DOCK4: variants seen among roughly 807,000 people sequenced by gnomAD.
The protein encoded by DOCK4 is dedicator of cytokinesis protein 4.
Under a neutral mutation model 268.1 loss-of-function variants are expected in DOCK4, and 97 were observed. The observed-to-expected ratio is 0.36, with a 90% CI of 0.31 to 0.43. The LOEUF (loss-of-function observed/expected upper bound fraction) is 0.43. Ranked by LOEUF, DOCK4 falls within the 20% of genes least tolerant of loss-of-function variation. The pLI, the probability that DOCK4 is intolerant of heterozygous loss-of-function variation, is 1.00. For synonymous variants in DOCK4, 954 were observed against 887.2 expected (o/e 1.08, Z -1.34); for missense variants, 2,145 against 2,455.7 (o/e 0.87, Z 2.67).
chr7:112,052,459 C>A (rs1477532760), intron 1 of DOCK4, among the ~76,000 whole-genome samples: 3 of 151,974 alleles, frequency 2.0e-5, no homozygotes, highest in African/African-American at 7.2e-5. Flanking sequence ...TCCCCTTCTT[C>A]CCCCCCTCAC....
At chr7:112,096,122 C>G (rs1055632204) in intron 1 of DOCK4, among the ~76,000 whole-genome samples, 1 of 151,926 alleles carries the variant, frequency 6.6e-6, no homozygotes, top group Non-Finnish European at 1.5e-5. Context: ...TAAATAGGGT[C>G]TTTTGAAGAA....
chr7:112,118,107 G>C (rs1391899654), intron 1 of DOCK4, among the ~76,000 whole-genome samples: 1 of 151,226 alleles, frequency 6.6e-6, no homozygotes, highest in Non-Finnish European at 1.5e-5. Flanking sequence ...AAAAATCTCT[G>C]ATCTTCTTGC....
At chr7:112,112,999 A>G (rs937677684) in intron 1 of DOCK4, among the ~76,000 whole-genome samples, 1 of 152,150 alleles carries the variant, frequency 6.6e-6, no homozygotes, top group African/African-American at 2.4e-5. Flanking sequence ...TTTTTTCCCG[A>G]CTAGGGTTTT....
intron 36 of DOCK4, among the ~76,000 whole-genome samples, chr7:111,777,794 G>T (rs1320064750): frequency 2.0e-5 from 3 of 152,054 alleles, no homozygotes; most frequent in African/African-American, 7.2e-5. Context: ...GCTTTTATAA[G>T]GGAGAGTTTC....
At chr7:112,050,146 TA>T (rs1215873560) in intron 1 of DOCK4, among the ~76,000 whole-genome samples, 1 of 152,146 alleles carries the variant, frequency 6.6e-6, no homozygotes, top group African/African-American at 2.4e-5. Context: ...GCTTTCCTTC[TA>T]AAAGGAGACA....
chr7:111,828,601 A>T (rs1466500720), intron 26 of DOCK4, among the ~76,000 whole-genome samples: 1 of 152,200 alleles, frequency 6.6e-6, no homozygotes, highest in Non-Finnish European at 1.5e-5. Context: ...TCAAGTATCA[A>T]TTAAAATGTA....
At chr7:111,796,069 C>G (rs1799873646) in intron 30 of DOCK4, among the ~76,000 whole-genome samples, 1 of 152,110 alleles carries the variant, frequency 6.6e-6, no homozygotes, top group Non-Finnish European at 1.5e-5. Flanking sequence ...GATGTTCACC[C>G]CCTCCTTTAG....
Position 111,788,700 on chromosome 7 carries a change from G to C in DOCK4, c.3363C>G (p.Gly1121=), listed in dbSNP as rs1212317406. 1 of 1,594,000 alleles carries C rather than the reference G, an allele frequency of 6.3e-7. No individual in the cohort carries two copies. The highest frequency in any genetic ancestry group is 8.6e-7 in the Non-Finnish European group (1 of 1,169,010). The change falls in exon 32 of 53, where the codon GGC becomes GGG. Residue 1121 remains glycine (G), a synonymous_variant. Coordinates refer to ENST00000428084, the MANE Select transcript of DOCK4 (RefSeq NM_001363540.2). ...IDKLDSLMSE[G]KGDETYRELF... ...GCTCGCGGTATGTTTCGTCACCTTT[G>C]CCTTCTGACATCAGGCTATCCAGTT...
At chr7:111,794,460 G>A (rs1316994235) in intron 30 of DOCK4, among the ~76,000 whole-genome samples, 1 of 152,180 alleles carries the variant, frequency 6.6e-6, no homozygotes, top group Non-Finnish European at 1.5e-5. Context: ...AGGACAGCCT[G>A]GGCACACATG....
rs991251380 is a variant in DOCK4, at chr7:111,933,606, T to C, written c.1066+1934A>G. Among the ~76,000 whole-genome samples, 5 of 152,154 alleles carry C rather than the reference T, an allele frequency of 3.3e-5. No individual in the cohort carries two copies. In the East Asian group the frequency reaches 7.7e-4, roughly 24 times the overall value. On this transcript the variant is annotated intron_variant, in intron 12 of 52. Coordinates refer to ENST00000428084, the MANE Select transcript of DOCK4 (RefSeq NM_001363540.2). ...CACCGCACCCAGCCGAGAATTGTAA[T>C]TGTTTTGTGGGAAAAGAGAAGACAA...
chr7:111,799,381 A>C (rs1336340960), intron 30 of DOCK4, among the ~76,000 whole-genome samples: 2 of 152,238 alleles, frequency 1.3e-5, no homozygotes, highest in South Asian at 2.1e-4. Flanking sequence ...CAACTAGCAG[A>C]AGCCCAACCC....
At chr7:112,162,232 G>T (rs1817191810) in intron 1 of DOCK4, among the ~76,000 whole-genome samples, 1 of 152,054 alleles carries the variant, frequency 6.6e-6, no homozygotes, top group South Asian at 2.1e-4. Context: ...CCATTCATTT[G>T]CCTGGAGTGG....
chr7:111,773,274 G>A (rs1303099950), intron 36 of DOCK4, among the ~76,000 whole-genome samples: 1 of 152,146 alleles, frequency 6.6e-6, no homozygotes, highest in African/African-American at 2.4e-5. Context: ...AAAGTTCCCT[G>A]TCAATTTCAC....
rs752827717 is a variant in DOCK4 at position 111,728,346 on chromosome 7, C to A, written c.5856G>T (p.Leu1952=). Residue 1952 remains leucine (L), a synonymous_variant, in exon 53 of 53, where the codon CTG becomes CTT. Coordinates refer to ENST00000428084, the MANE Select transcript of DOCK4 (RefSeq NM_001363540.2). ...GGTCAGTCCTCCGGGCCCCATTCTC[C>A]AGGTGGCTGGATCGCGCTGCCAGAG... ...PKPLAARSSH[L]ENGARRTDPG... 11 of 1,521,196 alleles carry A rather than the reference C, an allele frequency of 7.2e-6. No homozygotes were observed. The African/African-American group carries it at 1.5e-4, about 21-fold the overall frequency. 94.2% of individuals were successfully genotyped at this position (1,521,196 alleles called of 1,614,324 possible).
intron 16 of DOCK4, among the ~76,000 whole-genome samples, chr7:111,890,706 T>C (rs1808218156): frequency 6.6e-6 from 1 of 152,146 alleles, no homozygotes. Flanking sequence ...TTAGAACACA[T>C]TGAGAAGTGA....
At chr7:111,734,250 AGTGCAGTG>A (rs938043743) in intron 51 of DOCK4, among the ~76,000 whole-genome samples, 9 of 152,092 alleles carry the variant, frequency 5.9e-5, no homozygotes, top group Admixed American at 1.3e-4. Context: ...CCCAGGCTGA[AGTGCAGTG>A]GTGCCATCTT....
intron 8 of DOCK4, among the ~76,000 whole-genome samples, chr7:111,958,694 G>A (rs1796627405): frequency 6.6e-6 from 1 of 152,104 alleles, no homozygotes; most frequent in Non-Finnish European, 1.5e-5. Context: ...TCTGCAACTT[G>A]GAATTTCGGG....
chr7:111,887,114 T>G (rs533322162), intron 16 of DOCK4, among the ~76,000 whole-genome samples: 1 of 152,264 alleles, frequency 6.6e-6, no homozygotes, highest in South Asian at 2.1e-4. Flanking sequence ...ATTAAAGTAT[T>G]ATCGAGGAGG....
intron 1 of DOCK4, among the ~76,000 whole-genome samples, chr7:112,038,720 GAGA>G (rs1804074614): frequency 6.6e-6 from 1 of 152,152 alleles, no homozygotes; most frequent in Non-Finnish European, 1.5e-5. Context: ...AAAATGCTAG[GAGA>G]AGAAGCTAGA....
Sources: gnomAD v4.1 joint callset for allele counts (sites outside exome capture counted in the v4.1 genomes callset) on GRCh38, gnomAD v4.1.1 for gene constraint, MANE v1.5 for transcripts, NCBI Gene and HGNC (gene_info 2026-07-23, HGNC 2026-07-21) for gene names.